Variants in TMC7 observed in about 807,000 individuals in gnomAD.
TMC7 encodes transmembrane channel-like protein 7.
TMC7 carries 54 observed loss-of-function variants against 82.9 expected under a neutral mutation model. That is an observed-to-expected ratio of 0.65 (90% CI 0.52 to 0.82). TMC7 has a LOEUF of 0.82. Ranked by LOEUF, TMC7 falls within the 40% of genes least tolerant of loss-of-function variation. The probability of loss-of-function intolerance (pLI) is 0.00; values close to 1 mark genes in which losing one functional copy is unlikely to be tolerated. For synonymous variants in TMC7, 350 were observed against 337.9 expected, an observed-to-expected ratio of 1.04 and a Z score of -0.39; for missense variants, 820 against 901.2, an observed-to-expected ratio of 0.91 and a Z score of 1.15.
At chr16:19,050,395 A>G (rs12918120) in intron 12 of TMC7, among the ~76,000 whole-genome samples, 1 of 148,824 alleles carries the variant, frequency 6.7e-6, no homozygotes, top group Non-Finnish European at 1.5e-5. Flanking sequence ...AAAAAAAACC[A>G]AAAAAAACAA....
At chr16:19,004,670 G>T (rs1021081792) in intron 1 of TMC7, among the ~76,000 whole-genome samples, 3 of 151,958 alleles carry the variant, frequency 2.0e-5, no homozygotes, top group African/African-American at 7.2e-5. Flanking sequence ...CAGCTTATAC[G>T]GTATTTTAAC....
chr16:19,029,769 C>T (rs1960421179), intron 5 of TMC7, among the ~76,000 whole-genome samples: 2 of 151,748 alleles, frequency 1.3e-5, no homozygotes, highest in Admixed American at 1.3e-4. Context: ...CAACCTCTGC[C>T]TCCCGGGTTC....
intron 7 of TMC7, among the ~76,000 whole-genome samples, chr16:19,037,013 A>G (rs905235055): frequency 1.3e-5 from 2 of 152,226 alleles, no homozygotes; most frequent in South Asian, 2.1e-4. Flanking sequence ...TGAATAGTTT[A>G]TAGTTCTGTT....
At chr16:19,013,713 T>C (rs1959511049) in intron 2 of TMC7, among the ~76,000 whole-genome samples, 1 of 151,930 alleles carries the variant, frequency 6.6e-6, no homozygotes, top group Non-Finnish European at 1.5e-5. Context: ...GAGACGGGGT[T>C]TCACCATGTT....
At chr16:19,000,017 C>T (rs1275704614) in intron 1 of TMC7, among the ~76,000 whole-genome samples, 1 of 152,032 alleles carries the variant, frequency 6.6e-6, no homozygotes, top group African/African-American at 2.4e-5. Flanking sequence ...CCCGCCTCAG[C>T]CTCCCAAAGT....
intron 1 of TMC7, among the ~76,000 whole-genome samples, chr16:19,003,695 T>G (rs1248412999): frequency 7.4e-4 from 81 of 109,474 alleles, no homozygotes; most frequent in Non-Finnish European, 1.2e-3. Context: ...TAAGAAAAAT[T>G]CCTCTGCCTT....
chr16:18,985,076 A>G (rs559546673), intron 1 of TMC7, among the ~76,000 whole-genome samples: 1 of 152,268 alleles, frequency 6.6e-6, no homozygotes, highest in South Asian at 2.1e-4. Context: ...CCTGGCCAAG[A>G]TGGTGAAACC....
At chr16:19,060,648 G>A (rs951829700) in intron 15 of TMC7, among the ~76,000 whole-genome samples, 21 of 152,164 alleles carry the variant, frequency 1.4e-4, no homozygotes, top group African/African-American at 4.8e-4. Context: ...TGGCCACAGG[G>A]TGGTGAGTGA....
At chr16:19,036,438 G>C (rs1166027510) in intron 7 of TMC7, among the ~76,000 whole-genome samples, 1 of 152,104 alleles carries the variant, frequency 6.6e-6, no homozygotes, top group African/African-American at 2.4e-5. Context: ...GAACCGGGAG[G>C]CAGAGGTTGC....
chr16:19,031,147 T>C (rs1258219555), intron 6 of TMC7, among the ~76,000 whole-genome samples: 2 of 152,164 alleles, frequency 1.3e-5, no homozygotes, highest in African/African-American at 4.8e-5. Context: ...GTGCCTTTCT[T>C]AAATGGTGGG....
intron 6 of TMC7, among the ~76,000 whole-genome samples, chr16:19,034,384 G>T (rs536887187): frequency 6.6e-6 from 1 of 151,962 alleles, no homozygotes; most frequent in South Asian, 2.1e-4. Flanking sequence ...GGATGATGAG[G>T]TCAGGAGATC....
At chr16:19,017,267 A>G (rs897388650) in intron 3 of TMC7, among the ~76,000 whole-genome samples, 2 of 151,776 alleles carry the variant, frequency 1.3e-5, no homozygotes, top group South Asian at 2.1e-4. Context: ...TGATAACTGT[A>G]TATCTTTTTA....
rs980159785 is a variant in TMC7 at position 19,062,801 on chromosome 16, T to C, written c.*958T>C. 4 of 152,668 alleles carry C rather than the reference T, an allele frequency of 2.6e-5. No individual in the cohort carries two copies. Among genetic ancestry groups the C allele is most frequent in the Admixed American group, 2.6e-4 (4 of 15,278 alleles). 9.5% of individuals were successfully genotyped at this position (152,668 alleles called of 1,614,324 possible). A position where few individuals can be genotyped will look rare whatever the true frequency, so the allele number is the denominator to read the frequency against. On this transcript the variant is annotated 3_prime_UTR_variant, in exon 16 of 16. Coordinates refer to ENST00000304381, the MANE Select transcript of TMC7 (RefSeq NM_024847.4). ...TTCATTTTAATATCTTTGAAATCTT[T>C]TTCAAAGGACTGTAGTTTTGTAATG...
At chr16:19,028,933 C>A (rs1960361834) in intron 5 of TMC7, among the ~76,000 whole-genome samples, 1 of 151,604 alleles carries the variant, frequency 6.6e-6, no homozygotes, top group African/African-American at 2.4e-5. Context: ...GGATTACAGG[C>A]ATGAGCCACT....
chr16:19,008,743 C>T (rs1286926158), intron 1 of TMC7, among the ~76,000 whole-genome samples: 1 of 152,178 alleles, frequency 6.6e-6, no homozygotes. Flanking sequence ...CATGCATTTG[C>T]ATGGTATACT....
intron 1 of TMC7, among the ~76,000 whole-genome samples, chr16:18,986,852 T>C (rs1883625824): frequency 6.6e-6 from 1 of 151,756 alleles, no homozygotes; most frequent in Admixed American, 6.6e-5. Context: ...TCGCCCAGGC[T>C]GAAGTGCAGT....
Position 19,044,981 on chromosome 16 carries a change from T to C in TMC7, c.1435T>C (p.Tyr479His). The change falls in exon 10 of 16, where the codon TAC becomes CAC. Residue 479 changes from tyrosine (Y) to histidine (H), a missense_variant. Physicochemically the swap from Tyr to His is moderately conservative, Grantham distance 83. This residue lies in a region of TMC7 where 650 missense variants were observed against 669.9 expected (regional missense o/e 0.97). Transcript: ENST00000304381. ...TGATGACACATGTGACCTTTGCGGC[T>C]ACAACCAGAAACTCTACCCGGTGAG... ...CDDDTCDLCG[Y>H]NQKLYPCWET... 2 of 1,613,910 alleles carry C rather than the reference T, an allele frequency of 1.2e-6. No individual in the cohort carries two copies. The highest frequency in any genetic ancestry group is 1.7e-6 in the Non-Finnish European group (2 of 1,179,970).
chr16:19,018,949 C>T (rs1037750786), intron 3 of TMC7, among the ~76,000 whole-genome samples: 5 of 152,218 alleles, frequency 3.3e-5, no homozygotes, highest in African/African-American at 1.2e-4. Context: ...CTCACAAGTT[C>T]AAGTGATTCC....
At chr16:19,025,551 C>T (rs368807011) in intron 5 of TMC7, among the ~76,000 whole-genome samples, 3 of 151,632 alleles carry the variant, frequency 2.0e-5, no homozygotes, top group Non-Finnish European at 2.9e-5. Context: ...CCTGGGAGGC[C>T]GAAGCTGCAG....
Sources: allele counts gnomAD v4.1 joint callset (sites outside exome capture counted in the v4.1 genomes callset), GRCh38; gene constraint gnomAD v4.1.1; regional missense constraint gnomAD v4.1.1; transcripts MANE v1.5; gene names NCBI Gene and HGNC (gene_info 2026-07-23, HGNC 2026-07-21).